The following STPG4 variants were observed in gnomAD, a reference collection of about 807,000 sequenced individuals.
The protein encoded by STPG4 is sperm-tail PG-rich repeat containing 4, also known as protein STPG4.
In STPG4, 41 loss-of-function variants were observed where a neutral mutation model predicts 31.5. The observed-to-expected ratio is 1.30, with a 90% CI of 1.01 to 1.69. The LOEUF is 1.69. STPG4 is among the 40% of genes most tolerant of loss of function. STPG4 has a pLI of 0.00. For missense variants in STPG4, 375 were observed against 293.4 expected, an observed-to-expected ratio of 1.28 and a Z score of -2.03; for synonymous variants, 141 against 103.0, an observed-to-expected ratio of 1.37 and a Z score of -2.24.
Position 47,090,198 on chromosome 2 carries a change from T to C in STPG4, c.624+72A>G, listed in dbSNP as rs547063773. On this transcript the variant is annotated intron_variant, in intron 6 of 6. Transcript: ENST00000445927. ...CACCACCCCGCACCTCCTACACACA[T>C]AGAAACAGAAAACCTACCACCATAA... is the stretch of plus-strand genomic sequence containing the variant. 2.7e-4 allele frequency: 284 copies of C among 1,064,498 alleles called. 1 individual carries two copies. In the African/African-American group the frequency reaches 3.9e-3, roughly 14 times the overall value. The allele number at this position is 1,064,498 out of a possible 1,614,324, so 65.9% of individuals were successfully genotyped here.
At chr2:47,139,162 C>A (rs967312789) in intron 3 of STPG4, among the ~76,000 whole-genome samples, 3 of 152,192 alleles carry the variant, frequency 2.0e-5, no homozygotes, top group Non-Finnish European at 4.4e-5. Context: ...TTTCTGCCTG[C>A]TGTATTTGTC....
At chr2:47,090,469 G>T in intron 5 of STPG4, 95 bp from the exon 6 acceptor site, 1 of 790,856 alleles carries the variant, frequency 1.3e-6, no homozygotes, top group Non-Finnish European at 2.1e-6. Context: ...ATGAATCACT[G>T]TGATATAGTA....
Position 47,144,053 on chromosome 2 carries a change from T to C in STPG4, c.399+7205A>G, listed in dbSNP as rs563387676. ...GTAGATAGATTCTGGAACCATGTTC[T>C]GACTGGCACAGTTTAAACTGACTTC... On this transcript the variant is annotated intron_variant, in intron 3 of 6. Coordinates refer to ENST00000445927, the MANE Select transcript of STPG4 (RefSeq NM_001163561.2). Among the ~76,000 whole-genome samples, 6 of 152,352 alleles carry C rather than the reference T, an allele frequency of 3.9e-5. No homozygotes were observed. In the South Asian group the frequency reaches 1.2e-3, roughly 32 times the overall value.
At chr2:47,143,891 A>G (rs931785598) in intron 3 of STPG4, among the ~76,000 whole-genome samples, 1 of 152,212 alleles carries the variant, frequency 6.6e-6, no homozygotes, top group Non-Finnish European at 1.5e-5. Context: ...GTTAGTGATC[A>G]GCACTTTCTG....
At chr2:47,151,167 TGG>T in intron 3 of STPG4, 89 bp downstream of exon 3, 1 of 1,459,096 alleles carries the variant, frequency 6.9e-7, no homozygotes, top group Non-Finnish European at 9.3e-7. Context: ...CCATTTCTCC[TGG>T]GGGAAGATAT....
chr2:47,094,007 A>G (rs1456651195), intron 5 of STPG4, among the ~76,000 whole-genome samples: 1 of 152,222 alleles, frequency 6.6e-6, no homozygotes, highest in Non-Finnish European at 1.5e-5. Flanking sequence ...CCAGTTCAAT[A>G]GGAGGGTGTT....
intron 5 of STPG4, among the ~76,000 whole-genome samples, chr2:47,118,589 A>G (rs1339040461): frequency 2.0e-5 from 3 of 152,156 alleles, no homozygotes; most frequent in Non-Finnish European, 4.4e-5. Context: ...CCTGGTGCCA[A>G]AAAGGTTGGG....
rs1378203684 is a variant in STPG4 at position 47,095,312 on chromosome 2, G to A, written c.520-4938C>T. 1.3e-5 allele frequency among the ~76,000 whole-genome samples: 2 copies of A among 152,116 alleles called. 1 individual carries two copies. On this transcript the variant is annotated intron_variant, in intron 5 of 6. Transcript: ENST00000445927. Reference sequence around the variant, plus strand: ...ATGGCTGGTGTCCTTTATTAAAAGGGGAAATTTGGATACAGAGACATGCTC... The same window carrying A: ...ATGGCTGGTGTCCTTTATTAAAAGGAGAAATTTGGATACAGAGACATGCTC...
intron 3 of STPG4, among the ~76,000 whole-genome samples, chr2:47,133,269 C>G (rs963133436): frequency 6.6e-6 from 1 of 151,904 alleles, no homozygotes; most frequent in African/African-American, 2.4e-5. Flanking sequence ...CAGGCTCAAG[C>G]GATCCTCCTG....
chr2:47,098,562 C>T (rs1462970199), intron 5 of STPG4, among the ~76,000 whole-genome samples: 1 of 152,084 alleles, frequency 6.6e-6, no homozygotes, highest in African/African-American at 2.4e-5. Flanking sequence ...AATCCACTCC[C>T]ATTTATCTTA....
chr2:47,091,871 C>G (rs1347652910), intron 5 of STPG4, among the ~76,000 whole-genome samples: 8 of 151,724 alleles, frequency 5.3e-5, no homozygotes, highest in Non-Finnish European at 8.8e-5. Context: ...ACATTGTTTC[C>G]AAAAGTGAAA....
intron 2 of STPG4, 120 bp from the exon 3 acceptor site, chr2:47,151,635 A>G (rs1362838688): frequency 1.8e-5 from 14 of 784,942 alleles, no homozygotes; most frequent in Non-Finnish European, 2.7e-5. Context: ...TAATGAAATT[A>G]TATCAAATAC....
At chr2:47,091,419 A>C (rs986384407) in intron 5 of STPG4, among the ~76,000 whole-genome samples, 1 of 152,236 alleles carries the variant, frequency 6.6e-6, no homozygotes, top group African/African-American at 2.4e-5. Flanking sequence ...TGGCAGGGAA[A>C]ATGGGAATAG....
At chr2:47,101,624 C>G (rs1006123569) in intron 5 of STPG4, among the ~76,000 whole-genome samples, 1 of 151,626 alleles carries the variant, frequency 6.6e-6, no homozygotes, top group African/African-American at 2.4e-5. Context: ...CTTTAGGCAC[C>G]CGGGTTCACC....
chr2:47,143,290 G>A (rs1686753555), intron 3 of STPG4, among the ~76,000 whole-genome samples: 1 of 152,176 alleles, frequency 6.6e-6, no homozygotes, highest in South Asian at 2.1e-4. Context: ...AACAACGTGT[G>A]AGAGTATCTG....
chr2:47,120,255 C>T (rs200571928), intron 5 of STPG4, among the ~76,000 whole-genome samples: 2 of 152,088 alleles, frequency 1.3e-5, no homozygotes, highest in African/African-American at 2.4e-5. Flanking sequence ...CACTTGAACC[C>T]GGGAGGTGGA....
At chr2:47,139,120 G>A (rs2057060173) in intron 3 of STPG4, among the ~76,000 whole-genome samples, 1 of 152,178 alleles carries the variant, frequency 6.6e-6, no homozygotes, top group Non-Finnish European at 1.5e-5. Flanking sequence ...TGATTAAATG[G>A]TGCTGTTGAG....
intron 5 of STPG4, among the ~76,000 whole-genome samples, chr2:47,112,148 T>G (rs1686049015): frequency 6.6e-6 from 1 of 152,120 alleles, no homozygotes. Flanking sequence ...AGGTTAACCT[T>G]TGAGATTTTG....
chr2:47,151,188 T>C (rs1435143050), intron 3 of STPG4, 70 bp downstream of exon 3: 2 of 1,559,420 alleles, frequency 1.3e-6, no homozygotes, highest in African/African-American at 1.4e-5. Flanking sequence ...ATACTCTACG[T>C]ATAAAAATAC....
Sources: gnomAD v4.1 joint callset for allele counts (sites outside exome capture counted in the v4.1 genomes callset) on GRCh38, gnomAD v4.1.1 for gene constraint, MANE v1.5 for transcripts, NCBI Gene and HGNC (gene_info 2026-07-23, HGNC 2026-07-21) for gene names.